Variants in PTGIS observed in about 807,000 individuals in gnomAD.
PTGIS encodes prostaglandin I2 synthase.
Under a neutral mutation model 50.3 loss-of-function variants are expected in PTGIS, and 45 were observed. That is an observed-to-expected ratio of 0.90 (90% CI 0.70 to 1.15). The LOEUF is 1.15. PTGIS is among the 50% of genes most tolerant of loss of function. PTGIS has a pLI of 0.00. For synonymous variants in PTGIS, 260 were observed against 267.7 expected, an observed-to-expected ratio of 0.97 and a Z score of 0.28; for missense variants, 668 against 661.3, an observed-to-expected ratio of 1.01 and a Z score of -0.11.
chr20:49,552,524 T>C (rs1238692206), intron 1 of PTGIS, among the ~76,000 whole-genome samples: 1 of 150,690 alleles, frequency 6.6e-6, no homozygotes, highest in African/African-American at 2.4e-5. Context: ...TCTTTCTCTC[T>C]CTCTCTCTGT....
rs540499175 is a variant in PTGIS at position 49,548,619 on chromosome 20, G to C, written c.199-600C>G. Among the ~76,000 whole-genome samples, 83 of 152,152 alleles carry C rather than the reference G, an allele frequency of 5.5e-4. 2 individuals carry two copies. The South Asian group carries it at 0.017, about 31-fold the overall frequency. ...GAATGGATACATGGATGAATAGATG[G>C]ATGGATGGATGGATGCTGTTGGGTA... is the stretch of plus-strand genomic sequence containing the variant. On this transcript the variant is annotated intron_variant, in intron 2 of 9. Transcript: ENST00000244043.
Position 49,552,379 on chromosome 20 carries a change from T to A in PTGIS, c.75-2190A>T, listed in dbSNP as rs1194232860. Among the ~76,000 whole-genome samples the A allele has an allele frequency of 2.0e-5, 3 of 152,120 alleles. No homozygotes were observed. In the South Asian group the frequency reaches 6.2e-4, roughly 32 times the overall value. ...TCCAGTTAAAAGACAGAGACTAAAT[T>A]TAAATCTACCTATCTAAATAAAGTT... On this transcript the variant is annotated intron_variant, in intron 1 of 9. Transcript: ENST00000244043.
At chr20:49,565,116 G>A (rs1022246502) in intron 1 of PTGIS, among the ~76,000 whole-genome samples, 3 of 150,312 alleles carry the variant, frequency 2.0e-5, no homozygotes, top group Admixed American at 1.3e-4. Context: ...GACTACAGGC[G>A]CCTGCCACCA....
At chr20:49,559,574 A>G (rs899320235) in intron 1 of PTGIS, among the ~76,000 whole-genome samples, 3 of 152,216 alleles carry the variant, frequency 2.0e-5, no homozygotes, top group African/African-American at 7.2e-5. Context: ...CGAACGGATA[A>G]ACAGAATGTG....
At chr20:49,538,947 G>C (rs555110604) in intron 5 of PTGIS, among the ~76,000 whole-genome samples, 98 of 152,236 alleles carry the variant, frequency 6.4e-4, no homozygotes, top group Non-Finnish European at 1.3e-3. Context: ...CTCCCAAAGT[G>C]CTGGGATTAC....
rs1282746219 is a variant in PTGIS at position 49,540,572 on chromosome 20, C to T, written c.522-851G>A. On this transcript the variant is annotated intron_variant, in intron 4 of 9. Coordinates refer to ENST00000244043, the MANE Select transcript of PTGIS (RefSeq NM_000961.4). This position sits in a 1 kb window ranked among gnomAD's most constrained non-coding sequence, Gnocchi z 4.8. The stretch of plus-strand genomic sequence containing the variant: ...TTGATCTGAGGGGCTCTGGGAGGCC[C>T]GAGAAGGAGGTCAGGGCCTGGTCAA... 2.6e-5 allele frequency among the ~76,000 whole-genome samples: 4 copies of T among 152,016 alleles called. No individual in the cohort carries two copies. Among genetic ancestry groups the T allele is most frequent in the Non-Finnish European group, 5.9e-5 (4 of 67,984 alleles).
intron 5 of PTGIS, among the ~76,000 whole-genome samples, chr20:49,536,445 CTTT>C (rs1568677748): frequency 7.3e-6 from 1 of 137,216 alleles, no homozygotes; most frequent in African/African-American, 2.7e-5. Context: ...AGTGCTTTTT[CTTT>C]TTTTCTTTTC....
intron 9 of PTGIS, among the ~76,000 whole-genome samples, chr20:49,509,948 G>A (rs1712442229): frequency 6.9e-6 from 1 of 144,212 alleles, no homozygotes; most frequent in Non-Finnish European, 1.5e-5. Flanking sequence ...GAGTGCAACG[G>A]CGCAATCTTG....
chr20:49,508,174 T>A, intron 9 of PTGIS, 110 bp from the exon 10 acceptor site: 1 of 1,275,742 alleles, frequency 7.8e-7, no homozygotes, highest in Non-Finnish European at 1.1e-6. Flanking sequence ...CAACTTTGAG[T>A]AAAGTGAGGA....
In PTGIS at chr20:49,524,233, T is replaced by G. The variant is rs13306030; in HGVS notation, c.680A>C (p.Lys227Thr). 1 of 1,614,144 alleles carries G rather than the reference T, an allele frequency of 6.2e-7. No individual in the cohort carries two copies. Among genetic ancestry groups the G allele is most frequent in the East Asian group, 2.2e-5 (1 of 44,884 alleles). The change falls in exon 6 of 10, where the codon AAG (lysine) becomes ACG (threonine). Residue 227 changes from lysine (K) to threonine (T), a missense_variant. Physicochemically the swap from Lys to Thr is moderately conservative, Grantham distance 78 (BLOSUM62 -1). Coordinates refer to ENST00000244043, the MANE Select transcript of PTGIS (RefSeq NM_000961.4). ...ACTTTTGACACTGCACATGTGGTCC[T>G]TGTCCCCTGCAGGGACAGAGCACAG... Reference protein sequence around the residue: ...LARGSLSVGDKDHMCSVKSRL... With the variant: ...LARGSLSVGDTDHMCSVKSRL...
intron 1 of PTGIS, among the ~76,000 whole-genome samples, chr20:49,551,347 G>A (rs371864123): frequency 4.6e-5 from 7 of 152,058 alleles, no homozygotes; most frequent in African/African-American, 1.2e-4. Context: ...ACATCTATTC[G>A]CTCTGAAGCC....
At chr20:49,536,470 C>CTTTTTTTTTTTTTT (rs1471525960) in intron 5 of PTGIS, among the ~76,000 whole-genome samples, 10 of 135,098 alleles carry the variant, frequency 7.4e-5, no homozygotes, top group Non-Finnish European at 9.3e-5. Flanking sequence ...TTCTTTCTTT[C>CTTTTTTTTTTTTTT]TTTCTTTCTT....
At chr20:49,513,912 C>G (rs1332273568) in intron 7 of PTGIS, among the ~76,000 whole-genome samples, 1 of 152,238 alleles carries the variant, frequency 6.6e-6, no homozygotes, top group African/African-American at 2.4e-5. Flanking sequence ...TGGAGAGGAA[C>G]TGAGTAGTCC....
Position 49,507,844 on chromosome 20 carries a change from A to C in PTGIS, c.*76T>G. 1.3e-6 allele frequency: 2 copies of C among 1,592,784 alleles called. No homozygotes were observed. Among genetic ancestry groups the C allele is most frequent in the Non-Finnish European group, 1.7e-6 (2 of 1,174,336 alleles). ...ACCTGCACCCGGGCCAACTGTGCAC[A>C]CAGAAAGCTGGGAGGCTGGGGCAGG... On this transcript the variant is annotated 3_prime_UTR_variant, in exon 10 of 10. Transcript: ENST00000244043.
chr20:49,520,817 C>T (rs556706896), intron 6 of PTGIS, among the ~76,000 whole-genome samples: 1 of 151,960 alleles, frequency 6.6e-6, no homozygotes, highest in African/African-American at 2.4e-5. Context: ...CAGGTGCGCA[C>T]CATCACGCCC....
At position 49,524,106 on chromosome 20, in the gene PTGIS, T is replaced by G. The variant is rs772493189; in HGVS notation, c.807A>C (p.Ser269=). 6.2e-6 allele frequency: 10 copies of G among 1,614,114 alleles called. No homozygotes were observed. In the African/African-American group the frequency reaches 8.0e-5, roughly 13 times the overall value. The change falls in exon 6 of 10, where the codon TCA becomes TCC. Residue 269 remains serine (S), a synonymous_variant. Transcript: ENST00000244043. Reference sequence around the variant, plus strand: ...CCAGGGCCCGTGCCTGCATCTCCTCTGACACACCCATCTCCTCCAGGTGCA... The same window carrying G: ...CCAGGGCCCGTGCCTGCATCTCCTCGGACACACCCATCTCCTCCAGGTGCA... ...YLLHLEEMGV[S]EEMQARALVL... is the part of the protein sequence containing the mutation.
At chr20:49,557,558 GAAAAGAAAAAAA>G (rs1982648293) in intron 1 of PTGIS, among the ~76,000 whole-genome samples, 2 of 32,256 alleles carry the variant, frequency 6.2e-5, no homozygotes, top group South Asian at 2.0e-3. Context: ...CAGGAAGAAA[GAAAAGAAAAAAA>G]AAAAGAAGAA....
chr20:49,510,227 C>T (rs1033971603), intron 9 of PTGIS, among the ~76,000 whole-genome samples: 1 of 152,034 alleles, frequency 6.6e-6, no homozygotes, highest in Non-Finnish European at 1.5e-5. Flanking sequence ...TTAAGGAATG[C>T]ATATGAGCTG....
intron 3 of PTGIS, among the ~76,000 whole-genome samples, chr20:49,546,957 C>T (rs892940469): frequency 6.6e-6 from 1 of 152,222 alleles, no homozygotes. Flanking sequence ...TGTGGCTGGG[C>T]ATGGTGGCTC....
Sources: gnomAD v4.1 joint callset for allele counts (sites outside exome capture counted in the v4.1 genomes callset) on GRCh38, gnomAD v4.1.1 for gene constraint, Gnocchi (gnomAD v3.1) non-coding constraint, MANE v1.5 for transcripts, NCBI Gene and HGNC (gene_info 2026-07-23, HGNC 2026-07-21) for gene names.